RNPEPL1: variants seen among roughly 807,000 people sequenced by gnomAD.
The protein encoded by RNPEPL1 is aminopeptidase RNPEPL1.
RNPEPL1 carries 46 observed loss-of-function variants against 69.0 expected under a neutral mutation model. That is an observed-to-expected ratio of 0.67 (90% CI 0.53 to 0.85). The LOEUF (loss-of-function observed/expected upper bound fraction) is 0.85. Among genes scored for constraint, RNPEPL1 ranks in the 40% least tolerant of loss-of-function variants. The pLI is 0.00. For synonymous variants in RNPEPL1, 525 were observed against 454.1 expected (o/e 1.16, Z -1.98); for missense variants, 869 against 992.5 (o/e 0.88, Z 1.67).
At chr2:240,573,489 T>G (rs1007197784) in intron 3 of RNPEPL1, among the ~76,000 whole-genome samples, 3 of 152,176 alleles carry the variant, frequency 2.0e-5, no homozygotes, top group Non-Finnish European at 4.4e-5. Context: ...AAACTGGTCC[T>G]TCCTGCCAAG....
rs2093034597 is a variant in RNPEPL1, at chr2:240,575,353, T to C, written c.1402-149T>C. The C allele has an allele frequency of 3.8e-6, 3 of 784,802 alleles. No homozygotes were observed. The East Asian group carries it at 7.7e-5, about 20-fold the overall frequency. The allele number at this position is 784,802 out of a possible 1,614,324, so 48.6% of individuals were successfully genotyped here. On this transcript the variant is annotated intron_variant, in intron 7 of 10. Coordinates refer to ENST00000270357, the MANE Select transcript of RNPEPL1 (RefSeq NM_018226.6). ...GTTTGCTCCCTTGGCAGGGCCTGCG[T>C]GCCAAGTGCTGGCTCCGCAGTGCCC...
Position 240,577,841 on chromosome 2 carries a change from C to T in RNPEPL1, c.2127C>T (p.Asp709=), listed in dbSNP as rs1339262524. The change falls in exon 11 of 11, where the codon GAC becomes GAT. Residue 709 remains aspartate (D), a synonymous_variant. Transcript: ENST00000270357. ...ACGCACAGGCCCTGCTGCTTGGGGA[C>T]GAGGCCCCCAGCAGTGCCATCTCTC... ...DSDAQALLLG[D]EAPSSAISLR... 26 of 1,591,062 alleles carry T rather than the reference C, an allele frequency of 1.6e-5. No homozygotes were observed. Among genetic ancestry groups the T allele is most frequent in the Non-Finnish European group, 2.1e-5 (24 of 1,164,542 alleles).
chr2:240,577,766 C>T lies in RNPEPL1; in HGVS notation c.2052C>T (p.Ala684=). ...SQGLGSSTEP[A]SEPSTELGKA... ...GCCTGGGCTCCAGCACAGAGCCCGC[C>T]TCAGAGCCCAGCACGGAGCTGGGCA... is the stretch of plus-strand genomic sequence containing the variant. Residue 684 remains alanine, a synonymous_variant, in exon 11 of 11, where the codon GCC becomes GCT. Coordinates refer to ENST00000270357, the MANE Select transcript of RNPEPL1 (RefSeq NM_018226.6). 5 of 1,612,236 alleles carry T rather than the reference C, an allele frequency of 3.1e-6. No individual in the cohort carries two copies. The highest frequency in any genetic ancestry group is 3.4e-6 in the Non-Finnish European group (4 of 1,179,512).
chr2:240,568,700 C>T lies in RNPEPL1; in HGVS notation c.114C>T (p.Leu38=), dbSNP rs946220410. 45 of 1,064,350 alleles carry T rather than the reference C, an allele frequency of 4.2e-5. No individual in the cohort carries two copies. The highest frequency in any genetic ancestry group is 1.9e-4 in the African/African-American group (11 of 57,618). The allele number at this position is 1,064,350 out of a possible 1,614,324, so 65.9% of individuals were successfully genotyped here. A position where few individuals can be genotyped will look rare whatever the true frequency, so the allele number is the denominator to read the frequency against. ...LDVASASSAQ[L]FRLRHLQLGL... ...TGGCCTCGGCCTCCAGCGCGCAGCT[C>T]TTCCGCCTCCGCCACCTGCAGCTGG... Residue 38 remains leucine (L), a synonymous_variant, in exon 1 of 11, where the codon CTC becomes CTT. Transcript: ENST00000270357. The surrounding 1 kb of genome is among the most constrained non-coding windows in gnomAD (Gnocchi z 6.2).
In RNPEPL1 at chr2:240,576,548, G is replaced by A; in HGVS notation, c.1524G>A (p.Glu508=). 6.2e-7 allele frequency: 1 copy of A among 1,612,006 alleles called. No homozygotes were observed. Among genetic ancestry groups the A allele is most frequent in the Non-Finnish European group, 8.5e-7 (1 of 1,179,566 alleles). The part of the protein sequence containing the change: ...SVDCRAGLEF[E]RWLNATGPPL... ...TCTCCCCTCTAGGGCTGGAATTCGA[G>A]CGCTGGCTCAATGCCACAGGCCCGC... Residue 508 remains glutamate, a synonymous_variant, in exon 9 of 11, where the codon GAG becomes GAA. Transcript: ENST00000270357.
intron 1 of RNPEPL1, among the ~76,000 whole-genome samples, chr2:240,569,697 C>T (rs1361153856): frequency 6.6e-6 from 1 of 152,206 alleles, no homozygotes; most frequent in African/African-American, 2.4e-5. Context: ...CTGCAGCACC[C>T]CCTCCACCTC....
chr2:240,571,806 G>T (rs183334328), intron 1 of RNPEPL1, among the ~76,000 whole-genome samples: 1 of 151,704 alleles, frequency 6.6e-6, no homozygotes, highest in Non-Finnish European at 1.5e-5. Context: ...TCCCTTGGCC[G>T]CTCCTGTCCC....
chr2:240,577,704 A>G lies in RNPEPL1; in HGVS notation c.1990A>G (p.Asn664Asp). ...FYQTQGRLHP[N>D]LRRAIQQILS... ...CCAGACGCAGGGCCGGCTGCACCCC[A>G]ACCTGCGCAGAGCCATCCAGCAGAT... is the stretch of plus-strand genomic sequence containing the variant. The change falls in exon 11 of 11, where the codon AAC (asparagine) becomes GAC (aspartate). Residue 664 changes from asparagine to aspartate, a missense_variant. By Grantham distance (23) the Asn-to-Asp change is conservative. This residue lies in a region of RNPEPL1 where 610 missense variants were observed against 790.9 expected (regional missense o/e 0.77). Coordinates refer to ENST00000270357, the MANE Select transcript of RNPEPL1 (RefSeq NM_018226.6). 6.2e-7 allele frequency: 1 copy of G among 1,612,698 alleles called. No homozygotes were observed. The highest frequency in any genetic ancestry group is 8.5e-7 in the Non-Finnish European group (1 of 1,179,740).
chr2:240,568,726 G>A lies in RNPEPL1; in HGVS notation c.140G>A (p.Gly47Asp). 1 of 1,069,586 alleles carries A rather than the reference G, an allele frequency of 9.3e-7. No individual in the cohort carries two copies. The highest frequency in any genetic ancestry group is 1.1e-6 in the Non-Finnish European group (1 of 879,434). 66.3% of individuals were successfully genotyped at this position (1,069,586 alleles called of 1,614,324 possible). The change falls in exon 1 of 11, where the codon GGC (glycine) becomes GAC (aspartate). Residue 47 changes from glycine (G) to aspartate (D), a missense_variant. Transcript: ENST00000270357. This position sits in a 1 kb window ranked among gnomAD's most constrained non-coding sequence, Gnocchi z 6.2. ...TTCCGCCTCCGCCACCTGCAGCTGG[G>A]CCTGGAGCTGCGGCCCGAGGCGCGC... is the stretch of plus-strand genomic sequence containing the variant. ...QLFRLRHLQL[G>D]LELRPEAREL...
At position 240,573,846 on chromosome 2, in the gene RNPEPL1, G is replaced by A. The variant is rs1271116719; in HGVS notation, c.893G>A (p.Trp298Ter). The A allele has an allele frequency of 6.4e-7, 1 of 1,559,914 alleles. No homozygotes were observed. The highest frequency in any genetic ancestry group is 8.7e-7 in the Non-Finnish European group (1 of 1,152,374). ...TSKLSGAVEQ[W>*]LSAAERLYGP... ...AAGCTGTCGGGCGCAGTGGAGCAGT[G>A]GCTGAGTGCAGCTGAGCGGCTGTAT... Residue 298 changes from tryptophan to a stop codon, truncating the protein, a stop_gained, in exon 4 of 11, where the codon TGG becomes TAG. Coordinates refer to ENST00000270357, the MANE Select transcript of RNPEPL1 (RefSeq NM_018226.6). LOFTEE classifies it high-confidence loss of function.
intron 1 of RNPEPL1, among the ~76,000 whole-genome samples, chr2:240,570,911 T>A (rs537802147): frequency 6.6e-6 from 1 of 152,180 alleles, no homozygotes; most frequent in East Asian, 1.9e-4. Context: ...ACACCCAGGC[T>A]ACTGAGGCTG....
At chr2:240,574,968 T>G in intron 6 of RNPEPL1, 62 bp from the exon 7 acceptor site, 1 of 1,265,002 alleles carries the variant, frequency 7.9e-7, no homozygotes, top group Middle Eastern at 1.8e-4. Flanking sequence ...CCACTGCCCC[T>G]CCCTATTCCA....
chr2:240,573,992 A>G, intron 4 of RNPEPL1, 101 bp downstream of exon 4: 1 of 1,374,426 alleles, frequency 7.3e-7, no homozygotes, highest in Non-Finnish European at 1.0e-6. Flanking sequence ...TCTCCTGGGG[A>G]GGAAGCGGAG....
In RNPEPL1 at chr2:240,568,617, C is replaced by T; in HGVS notation, c.31C>T (p.Pro11Ser). ...CGCGCAGTGCTGCTGCCGCCAGGCGCCCGGCGCCGAGGCCGCGCCCGTCCG... is the reference window on the plus strand; with the variant it reads ...CGCGCAGTGCTGCTGCCGCCAGGCGTCCGGCGCCGAGGCCGCGCCCGTCCG... MAAQCCCRQA[P>S]GAEAAPVRPP... Residue 11 changes from proline (P) to serine (S), a missense_variant, in exon 1 of 11, where the codon CCC (proline) becomes TCC (serine). Around this residue, in one of 2 missense-constraint regions of RNPEPL1, gnomAD observed 259 missense variants for 201.5 expected, o/e 1.29. Coordinates refer to ENST00000270357, the MANE Select transcript of RNPEPL1 (RefSeq NM_018226.6). This position sits in a 1 kb window ranked among gnomAD's most constrained non-coding sequence, Gnocchi z 6.2. 1.0e-6 allele frequency: 1 copy of T among 993,744 alleles called. No homozygotes were observed. The highest frequency in any genetic ancestry group is 1.2e-6 in the Non-Finnish European group (1 of 838,370). 61.6% of individuals were successfully genotyped at this position (993,744 alleles called of 1,614,324 possible).
rs990787317 is a variant in RNPEPL1, at chr2:240,578,190, C to T, written c.*298C>T. On this transcript the variant is annotated 3_prime_UTR_variant, in exon 11 of 11. Coordinates refer to ENST00000270357, the MANE Select transcript of RNPEPL1 (RefSeq NM_018226.6). Reference sequence around the variant, plus strand: ...AGCTGTGCCTAGCCCCGGATGCCAGCACCTGCCAGGTGCCGCCCCGGGGCA... The same window carrying T: ...AGCTGTGCCTAGCCCCGGATGCCAGTACCTGCCAGGTGCCGCCCCGGGGCA... The T allele has an allele frequency of 2.4e-4, 74 of 308,682 alleles. No homozygotes were observed. The highest frequency in any genetic ancestry group is 9.4e-5 in the Admixed American group (2 of 21,170). The allele number at this position is 308,682 out of a possible 1,614,324, so 19.1% of individuals were successfully genotyped here.
chr2:240,572,311 TG>T, intron 1 of RNPEPL1, 111 bp from the exon 2 acceptor site: 1 of 1,253,836 alleles, frequency 8.0e-7, no homozygotes, highest in Non-Finnish European at 1.1e-6. Flanking sequence ...CAAGATAATC[TG>T]GCCATTGTCC....
chr2:240,574,811 G>T (rs1276381391), intron 6 of RNPEPL1, 183 bp downstream of exon 6: 1 of 662,902 alleles, frequency 1.5e-6, no homozygotes, highest in Admixed American at 2.5e-5. Flanking sequence ...AGCCACCGCC[G>T]CTTCCCTGGC....
chr2:240,577,320 C>T (rs2093040619), intron 10 of RNPEPL1, among the ~76,000 whole-genome samples: 1 of 152,212 alleles, frequency 6.6e-6, no homozygotes. Flanking sequence ...CAGAGGGAGG[C>T]CAGAGCCCTC....
chr2:240,576,817 G>A, intron 9 of RNPEPL1, 31 bp from the exon 10 acceptor site: 1 of 1,612,658 alleles, frequency 6.2e-7, no homozygotes, highest in Non-Finnish European at 8.5e-7. Flanking sequence ...TGCAACAGCG[G>A]CCCAGCCCTG....
Sources: gnomAD v4.1 joint callset for allele counts (sites outside exome capture counted in the v4.1 genomes callset) on GRCh38, gnomAD v4.1.1 for gene constraint, gnomAD v4.1.1 regional missense constraint, Gnocchi (gnomAD v3.1) non-coding constraint, MANE v1.5 for transcripts, NCBI Gene and HGNC (gene_info 2026-07-23, HGNC 2026-07-21) for gene names.